Variants in NKAIN3 observed in about 807,000 individuals in gnomAD.
NKAIN3 encodes sodium/potassium transporting ATPase interacting 3, also known as sodium/potassium-transporting ATPase subunit beta-1-interacting protein 3.
Under a neutral mutation model 30.2 loss-of-function variants are expected in NKAIN3, and 25 were observed. The observed-to-expected ratio is 0.83, with a 90% confidence interval of 0.60 to 1.16. The LOEUF is 1.16. Among genes scored for constraint, NKAIN3 ranks in the 50% most tolerant of loss-of-function variants. The pLI, the probability that NKAIN3 is intolerant of heterozygous loss-of-function variation, is 0.00. For synonymous variants in NKAIN3, 91 were observed against 89.6 expected (o/e 1.02, Z -0.09); for missense variants, 225 against 254.1 (o/e 0.89, Z 0.78).
At chr8:62,294,185 G>A (rs955898782) in intron 1 of NKAIN3, among the ~76,000 whole-genome samples, 2 of 152,118 alleles carry the variant, frequency 1.3e-5, no homozygotes, top group Non-Finnish European at 2.9e-5. Flanking sequence ...GTGCTTCCTG[G>A]GTGAAGCGTT....
chr8:62,869,328 C>T (rs1201692841), intron 4 of NKAIN3, among the ~76,000 whole-genome samples: 1 of 152,160 alleles, frequency 6.6e-6, no homozygotes, highest in Non-Finnish European at 1.5e-5. Context: ...CACCCGGCGC[C>T]CCCCGCCCCC....
chr8:62,773,185 T>G (rs1817079409), intron 4 of NKAIN3, among the ~76,000 whole-genome samples: 1 of 152,148 alleles, frequency 6.6e-6, no homozygotes, highest in African/African-American at 2.4e-5. Context: ...CTTGATGATT[T>G]GAGATCTTAT....
At chr8:62,419,374 C>T (rs1804559946) in intron 1 of NKAIN3, among the ~76,000 whole-genome samples, 1 of 152,124 alleles carries the variant, frequency 6.6e-6, no homozygotes, top group South Asian at 2.1e-4. Context: ...TAAGGTATAT[C>T]TTTGCAAAGT....
intron 1 of NKAIN3, among the ~76,000 whole-genome samples, chr8:62,312,479 CA>C (rs1814475250): frequency 6.6e-6 from 1 of 150,378 alleles, no homozygotes; most frequent in South Asian, 2.1e-4. Flanking sequence ...GAGAGACAGG[CA>C]AATATGCAAC....
chr8:62,528,313 A>ATAT (rs1248692774), intron 1 of NKAIN3, among the ~76,000 whole-genome samples: 49 of 96,612 alleles, frequency 5.1e-4, no homozygotes, highest in Non-Finnish European at 8.3e-4. Context: ...TATTATATAT[A>ATAT]TATATTATAT....
At chr8:62,880,691 A>G (rs995848239) in intron 4 of NKAIN3, among the ~76,000 whole-genome samples, 2 of 152,236 alleles carry the variant, frequency 1.3e-5, no homozygotes, top group Admixed American at 1.3e-4. Flanking sequence ...AAGACAACAC[A>G]GGACATAGAT....
intron 1 of NKAIN3, chr8:62,344,833 T>A (rs1815878342): frequency 2.3e-6 from 1 of 431,450 alleles, no homozygotes; most frequent in Non-Finnish European, 4.6e-6. Context: ...TTTCTTTCTG[T>A]GTCTGTGAAG....
rs1020371713 is a variant in NKAIN3, at chr8:62,738,300, A to T, written c.274-8632A>T. 2.6e-5 allele frequency among the ~76,000 whole-genome samples: 4 copies of T among 152,024 alleles called. No individual in the cohort carries two copies. In the East Asian group the frequency reaches 7.7e-4, roughly 29 times the overall value. ...GCTTATTTCCATGTGTTTTTTGGCC[A>T]CATGCATGTCTTCTTTTGGCCAGGC... On this transcript the variant is annotated intron_variant, in intron 3 of 6. Transcript: ENST00000623646.
chr8:62,744,682 C>T (rs753388054), intron 3 of NKAIN3, among the ~76,000 whole-genome samples: 6 of 152,180 alleles, frequency 3.9e-5, no homozygotes, highest in Non-Finnish European at 7.3e-5. Flanking sequence ...AATCAGTGTG[C>T]ATCTCTGATG....
chr8:62,773,552 TTGTAA>T (rs1343487401), intron 4 of NKAIN3, among the ~76,000 whole-genome samples: 1 of 152,154 alleles, frequency 6.6e-6, no homozygotes, highest in African/African-American at 2.4e-5. Flanking sequence ...TCATCTCGAA[TTGTAA>T]TGCCATAATT....
In NKAIN3 at chr8:62,883,457, G is replaced by GTTGTTGTTTTTTTTTTTTTTTT; in HGVS notation, c.472-34994_472-34993insGTTGTTTTTTTTTTTTTTTTTT. On this transcript the variant is annotated intron_variant, in intron 4 of 6. Transcript: ENST00000623646. ...TTTATTATTTCCAGGAGTTTTATGG[G>GTTGTTGTTTTTTTTTTTTTTTT]TTTTTTTTTTTTTTTTCAGATTTTC... 3.1e-3 allele frequency among the ~76,000 whole-genome samples: 220 copies of GTTGTTGTTTTTTTTTTTTTTTT among 70,134 alleles called. 20 individuals carry two copies. The highest frequency in any genetic ancestry group is 5.3e-3 in the East Asian group (9 of 1,692). 46.0% of individuals were successfully genotyped at this position (70,134 alleles called of 152,430 possible).
intron 3 of NKAIN3, among the ~76,000 whole-genome samples, chr8:62,618,918 A>T (rs1014742315): frequency 6.6e-6 from 1 of 150,420 alleles, no homozygotes; most frequent in African/African-American, 2.5e-5. Flanking sequence ...AAAAAACAAA[A>T]GAAAAGAAAA....
intron 1 of NKAIN3, among the ~76,000 whole-genome samples, chr8:62,305,517 T>C (rs1409864360): frequency 6.6e-6 from 1 of 150,674 alleles, no homozygotes; most frequent in Admixed American, 6.6e-5. Context: ...TTGCTTCTCA[T>C]TGACAAATGC....
At chr8:62,402,409 A>G (rs1172214200) in intron 1 of NKAIN3, among the ~76,000 whole-genome samples, 3 of 152,106 alleles carry the variant, frequency 2.0e-5, no homozygotes, top group South Asian at 2.1e-4. Flanking sequence ...TTGGTGTTTG[A>G]TATGGTTTGG....
At chr8:62,524,898 C>G (rs73267401) in intron 1 of NKAIN3, among the ~76,000 whole-genome samples, 379 of 151,524 alleles carry the variant, frequency 2.5e-3, no homozygotes, top group African/African-American at 8.8e-3. Context: ...TAGTTTGATG[C>G]TCTATATGGT....
At chr8:62,993,136 G>A (rs1032821104) in intron 5 of NKAIN3, among the ~76,000 whole-genome samples, 3 of 152,090 alleles carry the variant, frequency 2.0e-5, no homozygotes, top group African/African-American at 7.2e-5. Context: ...AGGCCTGGAA[G>A]TCGTCCACAT....
At chr8:62,907,706 G>A (rs766464530) in intron 4 of NKAIN3, among the ~76,000 whole-genome samples, 1 of 152,200 alleles carries the variant, frequency 6.6e-6, no homozygotes, top group Non-Finnish European at 1.5e-5. Flanking sequence ...CATACACGTG[G>A]TATTGGGCTT....
intron 1 of NKAIN3, among the ~76,000 whole-genome samples, chr8:62,366,947 A>G (rs1042793561): frequency 4.0e-5 from 6 of 150,140 alleles, no homozygotes; most frequent in African/African-American, 1.5e-4. Flanking sequence ...TTATTTTTTG[A>G]CTCTTGGTTA....
At chr8:62,823,810 A>G (rs2199835) in intron 4 of NKAIN3, among the ~76,000 whole-genome samples, 134,846 of 152,144 alleles carry the variant, frequency 0.89, 59,909 homozygotes, top group African/African-American at 0.91. Flanking sequence ...AGTGTCATTC[A>G]GGCTCAAGGT....
Sources: allele counts gnomAD v4.1 joint callset (sites outside exome capture counted in the v4.1 genomes callset), GRCh38; gene constraint gnomAD v4.1.1; transcripts MANE v1.5; gene names NCBI Gene and HGNC (gene_info 2026-07-23, HGNC 2026-07-21).